The following KCNMA1 variants were observed in gnomAD, a reference collection of about 807,000 sequenced individuals.
The protein encoded by KCNMA1 is potassium calcium-activated channel subfamily M alpha 1, also known as Calcium-activated potassium channel subunit alpha-1.
Under a neutral mutation model 140.0 loss-of-function variants are expected in KCNMA1, and 29 were observed. That is an observed-to-expected ratio of 0.21 (90% CI 0.15 to 0.28). The LOEUF (loss-of-function observed/expected upper bound fraction) is 0.28. KCNMA1 is among the 10% of genes least tolerant of loss of function. KCNMA1 has a pLI of 1.00. For synonymous variants in KCNMA1, 612 were observed against 611.9 expected (o/e 1.00, Z 0.00); for missense variants, 880 against 1,602.2 (o/e 0.55, Z 7.70).
intron 16 of KCNMA1, among the ~76,000 whole-genome samples, chr10:77,022,551 C>A (rs569417424): frequency 3.9e-5 from 6 of 152,256 alleles, no homozygotes; most frequent in East Asian, 1.9e-4. Context: ...TCACCTCCTA[C>A]ATGGAGCAAA....
intron 14 of KCNMA1, among the ~76,000 whole-genome samples, chr10:77,069,824 T>C (rs1167353628): frequency 6.6e-6 from 1 of 151,940 alleles, no homozygotes. Flanking sequence ...TTTTTCTTTC[T>C]TTTTTGGAGA....
intron 1 of KCNMA1, among the ~76,000 whole-genome samples, chr10:77,422,974 C>T (rs1338919921): frequency 6.6e-6 from 1 of 152,238 alleles, no homozygotes. Context: ...CACTAAGAAA[C>T]ATTCTAGTCC....
rs116054219 is a variant in KCNMA1, at chr10:77,194,199, T to C, written c.603-9283A>G. Reference sequence around the variant, plus strand: ...TCATACAGGGGATGGCAGAGGCTCCTAAGAGAAAAGAAGAGCTCTCTATTT... The same window carrying C: ...TCATACAGGGGATGGCAGAGGCTCCCAAGAGAAAAGAAGAGCTCTCTATTT... On this transcript the variant is annotated intron_variant, in intron 3 of 27. Coordinates refer to ENST00000286628, the MANE Select transcript of KCNMA1 (RefSeq NM_001161352.2). Among the ~76,000 whole-genome samples the C allele has an allele frequency of 7.1e-3, 1,076 of 152,248 alleles. 16 individuals carry two copies. Among genetic ancestry groups the C allele is most frequent in the African/African-American group, 0.024 (1,010 of 41,548 alleles).
rs1372066169 is a variant in KCNMA1, at chr10:77,108,474, T to C, written c.1223+7A>G. On this transcript the variant is annotated splice_region_variant and intron_variant, in intron 9 of 27. Transcript: ENST00000286628. This position sits in a 1 kb window ranked among gnomAD's most constrained non-coding sequence, Gnocchi z 4.6. ...GCAGAGGCAGCAAAACCTCTTGGCATACTTACTTTCTTCCACTAACCGCAC... is the reference window on the plus strand; with the variant it reads ...GCAGAGGCAGCAAAACCTCTTGGCACACTTACTTTCTTCCACTAACCGCAC... The C allele has an allele frequency of 1.9e-6, 3 of 1,612,156 alleles. No homozygotes were observed. The highest frequency in any genetic ancestry group is 1.1e-5 in the South Asian group (1 of 91,042).
At chr10:76,991,328 T>C (rs1216423286) in intron 19 of KCNMA1, among the ~76,000 whole-genome samples, 1 of 152,246 alleles carries the variant, frequency 6.6e-6, no homozygotes, top group East Asian at 1.9e-4. Flanking sequence ...GGTGGATTTT[T>C]GCCTATGTGG....
At chr10:77,245,061 G>C (rs1296669745) in intron 3 of KCNMA1, among the ~76,000 whole-genome samples, 1 of 151,980 alleles carries the variant, frequency 6.6e-6, no homozygotes, top group African/African-American at 2.4e-5. Flanking sequence ...AGAAAACTGG[G>C]GGGAGTATTT....
intron 9 of KCNMA1, among the ~76,000 whole-genome samples, chr10:77,095,504 A>T (rs1026835419): frequency 6.6e-6 from 1 of 152,098 alleles, no homozygotes; most frequent in Non-Finnish European, 1.5e-5. Flanking sequence ...GGGCTCCATA[A>T]ATATGGGCTG....
At chr10:77,551,619 T>C (rs933142168) in intron 1 of KCNMA1, among the ~76,000 whole-genome samples, 2 of 152,184 alleles carry the variant, frequency 1.3e-5, no homozygotes, top group Non-Finnish European at 2.9e-5. Context: ...AAAAACACAC[T>C]GTTAATATGC....
intron 2 of KCNMA1, among the ~76,000 whole-genome samples, chr10:77,399,623 C>T (rs1021018625): frequency 2.6e-5 from 4 of 152,044 alleles, no homozygotes; most frequent in Non-Finnish European, 4.4e-5. Flanking sequence ...GATCTGGAGC[C>T]GGGGGGTCAA....
At chr10:77,192,153 T>A (rs1360141427) in intron 3 of KCNMA1, among the ~76,000 whole-genome samples, 2 of 152,134 alleles carry the variant, frequency 1.3e-5, no homozygotes, top group Admixed American at 1.3e-4. Flanking sequence ...TAATTATTCC[T>A]AAGAGTAAAA....
At chr10:76,995,216 G>A (rs2083881059) in intron 19 of KCNMA1, 1 of 162,858 alleles carries the variant, frequency 6.1e-6, no homozygotes. Context: ...GAAATTAAAT[G>A]CAACTTCGAC....
intron 1 of KCNMA1, among the ~76,000 whole-genome samples, chr10:77,453,755 T>G (rs1009528776): frequency 3.9e-5 from 6 of 152,208 alleles, no homozygotes; most frequent in African/African-American, 1.4e-4. Flanking sequence ...AGGGACCCCC[T>G]TGAGTCTTTA....
intron 1 of KCNMA1, among the ~76,000 whole-genome samples, chr10:77,618,413 C>T (rs1157502448): frequency 6.6e-6 from 1 of 152,140 alleles, no homozygotes; most frequent in Non-Finnish European, 1.5e-5. Context: ...AGTCTAGATA[C>T]CATAAATATG....
intron 1 of KCNMA1, among the ~76,000 whole-genome samples, chr10:77,617,349 C>T (rs1399315884): frequency 1.3e-5 from 2 of 152,188 alleles, no homozygotes; most frequent in Non-Finnish European, 2.9e-5. Context: ...GGAGATGATG[C>T]ATTCAAATCA....
intron 2 of KCNMA1, among the ~76,000 whole-genome samples, chr10:77,401,670 C>A (rs1308474415): frequency 1.3e-5 from 2 of 152,328 alleles, no homozygotes; most frequent in East Asian, 3.9e-4. Flanking sequence ...ATTAAGTATT[C>A]TTCACAAATT....
rs1342878929 is a variant in KCNMA1, at chr10:77,108,404, A to G, written c.1223+77T>C. ...TACATGCATGAAACAAAGAAACAAGAGCCAAAAAAAAAAAAAAATGGCATG... is the reference window on the plus strand; with the variant it reads ...TACATGCATGAAACAAAGAAACAAGGGCCAAAAAAAAAAAAAAATGGCATG... On this transcript the variant is annotated intron_variant, in intron 9 of 27. Coordinates refer to ENST00000286628, the MANE Select transcript of KCNMA1 (RefSeq NM_001161352.2). This position sits in a 1 kb window ranked among gnomAD's most constrained non-coding sequence, Gnocchi z 4.6. 11 of 1,477,178 alleles carry G rather than the reference A, an allele frequency of 7.4e-6. No homozygotes were observed. The highest frequency in any genetic ancestry group is 3.5e-5 in the South Asian group (3 of 86,530). The allele number at this position is 1,477,178 out of a possible 1,614,324, so 91.5% of individuals were successfully genotyped here.
intron 1 of KCNMA1, among the ~76,000 whole-genome samples, chr10:77,538,752 A>C (rs1431507599): frequency 6.6e-6 from 1 of 151,746 alleles, no homozygotes; most frequent in Non-Finnish European, 1.5e-5. Context: ...AAGGATATGG[A>C]GTTAAAATCT....
At chr10:77,393,989 C>T (rs1415155095) in intron 2 of KCNMA1, among the ~76,000 whole-genome samples, 2 of 152,218 alleles carry the variant, frequency 1.3e-5, no homozygotes, top group Admixed American at 6.5e-5. Context: ...ACGCTCAGTT[C>T]TGTATACTAG....
At chr10:77,479,135 G>C (rs1435814642) in intron 1 of KCNMA1, among the ~76,000 whole-genome samples, 1 of 152,148 alleles carries the variant, frequency 6.6e-6, no homozygotes, top group Non-Finnish European at 1.5e-5. Context: ...TGTGCCCATA[G>C]GATTTTCATA....
Sources: gnomAD v4.1 joint callset for allele counts (sites outside exome capture counted in the v4.1 genomes callset) on GRCh38, gnomAD v4.1.1 for gene constraint, Gnocchi (gnomAD v3.1) non-coding constraint, MANE v1.5 for transcripts, NCBI Gene and HGNC (gene_info 2026-07-23, HGNC 2026-07-21) for gene names.